Variants in COLEC12 observed in about 807,000 individuals in gnomAD.
COLEC12 encodes the protein collectin subfamily member 12, also known as collectin-12.
A neutral mutation model predicts 71.1 loss-of-function variants in COLEC12; 33 were observed. The observed-to-expected ratio is 0.46, with a 90% CI of 0.35 to 0.62. The LOEUF (loss-of-function observed/expected upper bound fraction) is 0.62. Ranked by LOEUF, COLEC12 falls within the 20% of genes least tolerant of loss-of-function variation. The pLI is 0.00. For synonymous variants in COLEC12, 350 were observed against 353.0 expected, an observed-to-expected ratio of 0.99 and a Z score of 0.10; for missense variants, 765 against 916.1, an observed-to-expected ratio of 0.84 and a Z score of 2.13.
At chr18:464,185 T>C (rs1917041451) in intron 2 of COLEC12, among the ~76,000 whole-genome samples, 1 of 152,226 alleles carries the variant, frequency 6.6e-6, no homozygotes, top group Admixed American at 6.5e-5. Flanking sequence ...TAACTTGTAT[T>C]ATCTGCTATT....
Position 334,863 on chromosome 18 carries a change from TG to T in COLEC12, c.1694del (p.Pro565GlnfsTer81). Reference sequence around the variant, plus strand: ...GCATGCCTGGTACCCCAGGCAAGCCTGGCAGTCCCCGAGGTCCAGGCACCCC... The same window carrying T: ...GCATGCCTGGTACCCCAGGCAAGCCTGCAGTCCCCGAGGTCCAGGCACCCC... ...EPGVPGPRGLPGLPGVPGMPG... is the reference protein window; with the variant it reads ...EPGVPGPRGLXGLPGVPGMPG... On this transcript the variant is annotated frameshift_variant, in exon 6 of 10. Coordinates refer to ENST00000400256, the MANE Select transcript of COLEC12 (RefSeq NM_130386.3). LOFTEE classifies it high-confidence loss of function. The T allele has an allele frequency of 6.6e-7, 1 of 1,525,274 alleles. No individual in the cohort carries two copies. The highest frequency in any genetic ancestry group is 8.7e-7 in the Non-Finnish European group (1 of 1,146,998). The allele number at this position is 1,525,274 out of a possible 1,614,324, so 94.5% of individuals were successfully genotyped here.
chr18:497,081 C>A (rs1437084670), intron 1 of COLEC12, among the ~76,000 whole-genome samples: 1 of 152,134 alleles, frequency 6.6e-6, no homozygotes, highest in East Asian at 1.9e-4. Context: ...CGGGGAAAGT[C>A]ATTTTCTTCT....
intron 1 of COLEC12, among the ~76,000 whole-genome samples, chr18:484,829 C>G (rs1292334950): frequency 1.3e-5 from 2 of 152,220 alleles, no homozygotes; most frequent in Non-Finnish European, 2.9e-5. Flanking sequence ...AGGTGTTCCC[C>G]CAGGCCCACT....
At chr18:486,945 A>G (rs1917529954) in intron 1 of COLEC12, among the ~76,000 whole-genome samples, 1 of 152,194 alleles carries the variant, frequency 6.6e-6, no homozygotes. Flanking sequence ...GTTACCATAC[A>G]ATCCAGCAAT....
intron 2 of COLEC12, among the ~76,000 whole-genome samples, chr18:463,520 T>C (rs1043602147): frequency 6.6e-6 from 1 of 152,154 alleles, no homozygotes; most frequent in Non-Finnish European, 1.5e-5. Flanking sequence ...TGGCAGCATG[T>C]GTCGTAAACA....
rs1218904811 is a variant in COLEC12, at chr18:480,774, G to A, written c.8-17C>T. On this transcript the variant is annotated splice_polypyrimidine_tract_variant and intron_variant, in intron 1 of 9. Coordinates refer to ENST00000400256, the MANE Select transcript of COLEC12 (RefSeq NM_130386.3). The surrounding 1 kb of genome is among the most constrained non-coding windows in gnomAD (Gnocchi z 4.1). ...CGAAGTCGTCTGTGAGAGAAGAAGA[G>A]ACACGATGTTAATCCTGGCAAGGGG... The A allele has an allele frequency of 2.5e-6, 4 of 1,612,966 alleles. No homozygotes were observed. The highest frequency in any genetic ancestry group is 3.4e-6 in the Non-Finnish European group (4 of 1,178,872).
intron 2 of COLEC12, among the ~76,000 whole-genome samples, chr18:440,360 A>AACACACACACAC (rs77004542): frequency 2.5e-5 from 3 of 118,848 alleles, no homozygotes; most frequent in African/African-American, 9.8e-5. Flanking sequence ...AAATGTTCTC[A>AACACACACACAC]ACACACACAC....
chr18:470,594 A>T (rs998217995), intron 2 of COLEC12, among the ~76,000 whole-genome samples: 36 of 151,378 alleles, frequency 2.4e-4, no homozygotes, highest in South Asian at 4.2e-4. Context: ...AAAAAAAAAA[A>T]TTTTTTTTTA....
In COLEC12 at chr18:500,533, C is replaced by A; in HGVS notation, c.-19G>T. ...CTTTCATGGTGACCGTGGGGACGCA[C>A]CGCCGGCCGGGGAGCTCCGCGCGAG... On this transcript the variant is annotated 5_prime_UTR_variant, in exon 1 of 10. Coordinates refer to ENST00000400256, the MANE Select transcript of COLEC12 (RefSeq NM_130386.3). The surrounding 1 kb of genome is among the most constrained non-coding windows in gnomAD (Gnocchi z 5.3). The A allele has an allele frequency of 2.4e-6, 3 of 1,226,238 alleles. No homozygotes were observed. 76.0% of individuals were successfully genotyped at this position (1,226,238 alleles called of 1,614,324 possible).
chr18:441,080 C>T (rs1266596672), intron 2 of COLEC12, among the ~76,000 whole-genome samples: 1 of 108,202 alleles, frequency 9.2e-6, no homozygotes, highest in Non-Finnish European at 1.9e-5. Context: ...AACCCTGTCT[C>T]TACTAAAAAT....
intron 2 of COLEC12, among the ~76,000 whole-genome samples, chr18:386,979 G>A (rs1915358224): frequency 1.3e-5 from 2 of 152,142 alleles, no homozygotes; most frequent in Admixed American, 6.5e-5. Context: ...AACGCAGACC[G>A]CTACCATATC....
At chr18:386,843 T>C (rs547420053) in intron 2 of COLEC12, among the ~76,000 whole-genome samples, 1 of 152,282 alleles carries the variant, frequency 6.6e-6, no homozygotes, top group Non-Finnish European at 1.5e-5. Context: ...TAAAATTTGA[T>C]TTCAATTTTT....
rs1452735168 is a variant in COLEC12 at position 480,207 on chromosome 18, G to T, written c.58+500C>A. On this transcript the variant is annotated intron_variant, in intron 2 of 9. Coordinates refer to ENST00000400256, the MANE Select transcript of COLEC12 (RefSeq NM_130386.3). This position sits in a 1 kb window ranked among gnomAD's most constrained non-coding sequence, Gnocchi z 4.1. ...TTGTGCCACATAAGGTAACATTCAGGTTTCAGGATTCAGGGTGCTGTCACC... is the reference window on the plus strand; with the variant it reads ...TTGTGCCACATAAGGTAACATTCAGTTTTCAGGATTCAGGGTGCTGTCACC... Among the ~76,000 whole-genome samples, 2 of 152,096 alleles carry T rather than the reference G, an allele frequency of 1.3e-5. No individual in the cohort carries two copies. Among genetic ancestry groups the T allele is most frequent in the African/African-American group, 4.8e-5 (2 of 41,420 alleles).
intron 2 of COLEC12, among the ~76,000 whole-genome samples, chr18:394,815 A>T (rs1477623004): frequency 2.0e-5 from 3 of 152,208 alleles, no homozygotes; most frequent in Admixed American, 2.0e-4. Context: ...ACACCATGCC[A>T]GCTGCCTCTT....
chr18:477,328 G>A (rs1178947440), intron 2 of COLEC12, among the ~76,000 whole-genome samples: 1 of 152,236 alleles, frequency 6.6e-6, no homozygotes, highest in East Asian at 1.9e-4. Context: ...GGCCCACCCA[G>A]TAGTGATTTG....
intron 2 of COLEC12, among the ~76,000 whole-genome samples, chr18:391,380 A>G (rs1262353441): frequency 1.3e-5 from 2 of 152,170 alleles, no homozygotes; most frequent in African/African-American, 4.8e-5. Context: ...GCTTTTTGAA[A>G]CCTTTGGCAA....
At chr18:354,977 A>C (rs1417350325) in intron 3 of COLEC12, among the ~76,000 whole-genome samples, 1 of 152,042 alleles carries the variant, frequency 6.6e-6, no homozygotes, top group Non-Finnish European at 1.5e-5. Flanking sequence ...ATTGGCTTAG[A>C]GGTCCCTGAG....
At chr18:365,362 G>A (rs1914832534) in intron 2 of COLEC12, among the ~76,000 whole-genome samples, 1 of 152,218 alleles carries the variant, frequency 6.6e-6, no homozygotes, top group Non-Finnish European at 1.5e-5. Flanking sequence ...CCAATGCTGA[G>A]GGAGTTTTTG....
intron 2 of COLEC12, among the ~76,000 whole-genome samples, chr18:359,260 AT>A (rs1290399146): frequency 6.6e-6 from 1 of 152,192 alleles, no homozygotes; most frequent in Non-Finnish European, 1.5e-5. Context: ...TATTTACACC[AT>A]AGAAATTGGC....
Sources: gnomAD v4.1 joint callset for allele counts (sites outside exome capture counted in the v4.1 genomes callset) on GRCh38, gnomAD v4.1.1 for gene constraint, Gnocchi (gnomAD v3.1) non-coding constraint, MANE v1.5 for transcripts, NCBI Gene and HGNC (gene_info 2026-07-23, HGNC 2026-07-21) for gene names.